CADM2: variants seen among roughly 807,000 people sequenced by gnomAD.
The protein encoded by CADM2 is cell adhesion molecule 2.
In CADM2, 12 loss-of-function variants were observed where a neutral mutation model predicts 49.8. The observed-to-expected ratio is 0.24, with a 90% CI of 0.15 to 0.39. The LOEUF is 0.39. CADM2 is among the 10% of genes least tolerant of loss of function. The pLI, the probability that CADM2 is intolerant of heterozygous loss-of-function variation, is 1.00. For missense variants in CADM2, 378 were observed against 492.3 expected (o/e 0.77, Z 2.20); for synonymous variants, 214 against 175.4 (o/e 1.22, Z -1.74).
intron 5 of CADM2, among the ~76,000 whole-genome samples, chr3:85,901,491 GTCTTCCAAGGTAA>G (rs1716113269): frequency 6.6e-6 from 1 of 152,036 alleles, no homozygotes; most frequent in African/African-American, 2.4e-5. Context: ...TATATAAAAA[GTCTTCCAAGGTAA>G]TCTTCCAAGA....
At chr3:85,071,040 A>C in intron 1 of CADM2, among the ~76,000 whole-genome samples, 1 of 151,574 alleles carries the variant, frequency 6.6e-6, no homozygotes, top group African/African-American at 2.4e-5. Context: ...ATAAATAAAT[A>C]AAATACTTAT....
At chr3:86,063,014 A>T (rs1342260143) in intron 8 of CADM2, among the ~76,000 whole-genome samples, 1 of 152,162 alleles carries the variant, frequency 6.6e-6, no homozygotes, top group East Asian at 1.9e-4. Flanking sequence ...CCTAGTTCTA[A>T]TAACTGAAAG....
At chr3:86,047,294 A>G (rs1341033030) in intron 8 of CADM2, among the ~76,000 whole-genome samples, 2 of 152,298 alleles carry the variant, frequency 1.3e-5, no homozygotes, top group East Asian at 3.9e-4. Context: ...ATGGGAAGGC[A>G]TCGGGGAGAG....
chr3:85,305,215 C>A (rs567561416), intron 1 of CADM2, among the ~76,000 whole-genome samples: 1 of 151,400 alleles, frequency 6.6e-6, no homozygotes, highest in South Asian at 2.1e-4. Context: ...ATGAATTTTC[C>A]TTTTAAATAA....
chr3:85,089,601 C>G (rs2037516247), intron 1 of CADM2, among the ~76,000 whole-genome samples: 1 of 152,106 alleles, frequency 6.6e-6, no homozygotes, highest in Non-Finnish European at 1.5e-5. Context: ...ATTTCCATTT[C>G]AATTATTAGA....
At chr3:85,801,974 C>T in intron 2 of CADM2, 73 bp from the exon 3 acceptor site, 1 of 1,248,906 alleles carries the variant, frequency 8.0e-7, no homozygotes, top group East Asian at 2.4e-5. Flanking sequence ...GAAGTTAAGG[C>T]CAGTGTAGAT....
intron 1 of CADM2, among the ~76,000 whole-genome samples, chr3:85,080,302 C>T (rs2037115091): frequency 6.6e-6 from 1 of 151,876 alleles, no homozygotes; most frequent in African/African-American, 2.4e-5. Flanking sequence ...TGTGTAGTCA[C>T]TTTAGCGGAC....
intron 1 of CADM2, among the ~76,000 whole-genome samples, chr3:85,032,774 A>G (rs1018366906): frequency 1.3e-5 from 2 of 152,114 alleles, no homozygotes; most frequent in Non-Finnish European, 2.9e-5. Context: ...CTATACGAGC[A>G]TTCCTGCATG....
At chr3:85,748,779 A>G (rs1259243037) in intron 2 of CADM2, among the ~76,000 whole-genome samples, 1 of 152,050 alleles carries the variant, frequency 6.6e-6, no homozygotes, top group African/African-American at 2.4e-5. Context: ...TTATCTTTCT[A>G]AACTGTAAGG....
At chr3:85,244,460 G>A (rs148960736) in intron 1 of CADM2, among the ~76,000 whole-genome samples, 56 of 152,192 alleles carry the variant, frequency 3.7e-4, no homozygotes, top group African/African-American at 9.6e-4. Context: ...AGATAATACC[G>A]TAAAGTTTTA....
chr3:85,223,667 A>G (rs927029127), intron 1 of CADM2, among the ~76,000 whole-genome samples: 3 of 151,990 alleles, frequency 2.0e-5, no homozygotes, highest in African/African-American at 4.8e-5. Context: ...GGTTTGTTAC[A>G]TAGGTATACA....
At chr3:85,233,316 T>C (rs1347438366) in intron 1 of CADM2, among the ~76,000 whole-genome samples, 1 of 152,050 alleles carries the variant, frequency 6.6e-6, no homozygotes, top group East Asian at 1.9e-4. Flanking sequence ...AAAATGATGG[T>C]GATATTATGC....
intron 1 of CADM2, among the ~76,000 whole-genome samples, chr3:85,547,316 T>C (rs777904217): frequency 3.9e-5 from 6 of 152,192 alleles, no homozygotes; most frequent in Non-Finnish European, 8.8e-5. Flanking sequence ...TATTTATGAT[T>C]GTTTGAATTA....
intron 1 of CADM2, among the ~76,000 whole-genome samples, chr3:85,321,116 A>ATATATTTT (rs2044596196): frequency 3.6e-5 from 1 of 27,496 alleles, no homozygotes; most frequent in African/African-American, 1.5e-4. Flanking sequence ...ATATATATAT[A>ATATATTTT]TTTTTTTTTT....
intron 1 of CADM2, among the ~76,000 whole-genome samples, chr3:85,713,482 C>T (rs1246821240): frequency 6.6e-6 from 1 of 152,020 alleles, no homozygotes; most frequent in African/African-American, 2.4e-5. Flanking sequence ...AAAGCACTGG[C>T]TTTATCAATA....
At chr3:85,203,318 G>A (rs1268963464) in intron 1 of CADM2, among the ~76,000 whole-genome samples, 11 of 152,098 alleles carry the variant, frequency 7.2e-5, no homozygotes, top group Non-Finnish European at 1.6e-4. Context: ...AGAGGATATT[G>A]TGGGGTGGTT....
chr3:85,158,230 T>G (rs1350958164), intron 1 of CADM2, among the ~76,000 whole-genome samples: 1 of 152,326 alleles, frequency 6.6e-6, no homozygotes, highest in East Asian at 1.9e-4. Flanking sequence ...GGAACACTTT[T>G]ACACTGTTGG....
At position 84,959,129 on chromosome 3, in the gene CADM2, G is replaced by T; in HGVS notation, c.-479G>T. 5.4e-6 allele frequency: 1 copy of T among 186,546 alleles called. No individual in the cohort carries two copies. Among genetic ancestry groups the T allele is most frequent in the Non-Finnish European group, 1.1e-5 (1 of 89,284 alleles). 11.6% of individuals were successfully genotyped at this position (186,546 alleles called of 1,614,324 possible). Reference sequence around the variant, plus strand: ...CCACTGCTTCTACCTCCCCTCCCAGGACCCCGAGACACCCCGGGCGCGAGC... The same window carrying T: ...CCACTGCTTCTACCTCCCCTCCCAGTACCCCGAGACACCCCGGGCGCGAGC... On this transcript the variant is annotated 5_prime_UTR_variant, in exon 1 of 10. Coordinates refer to ENST00000383699, the MANE Select transcript of CADM2 (RefSeq NM_001167675.2).
At position 85,989,958 on chromosome 3, in the gene CADM2, G is replaced by A. The variant is rs184417454; in HGVS notation, c.970+28311G>A. Among the ~76,000 whole-genome samples, 574 of 129,576 alleles carry A rather than the reference G, an allele frequency of 4.4e-3. 9 individuals are homozygous for A. Among genetic ancestry groups the A allele is most frequent in the African/African-American group, 0.014 (472 of 34,260 alleles). 85.0% of individuals were successfully genotyped at this position (129,576 alleles called of 152,430 possible). On this transcript the variant is annotated intron_variant, in intron 8 of 9. Transcript: ENST00000383699. Reference sequence around the variant, plus strand: ...ACCCGGGAAGGGGAGGTTACAGTGAGCTGAGATCGCACCACTGCCCTCCAG... The same window carrying A: ...ACCCGGGAAGGGGAGGTTACAGTGAACTGAGATCGCACCACTGCCCTCCAG...
Sources: gnomAD v4.1 joint callset for allele counts (sites outside exome capture counted in the v4.1 genomes callset) on GRCh38, gnomAD v4.1.1 for gene constraint, MANE v1.5 for transcripts, NCBI Gene and HGNC (gene_info 2026-07-23, HGNC 2026-07-21) for gene names.